Variants in ZBTB7C observed in about 807,000 individuals in gnomAD.
The protein encoded by ZBTB7C is zinc finger and BTB domain containing 7C, also known as zinc finger and BTB domain-containing protein 7C.
A neutral mutation model predicts 25.7 loss-of-function variants in ZBTB7C; 8 were observed. The ratio of observed to expected loss-of-function variants is 0.31; its 90% CI spans 0.18 to 0.56. The LOEUF is 0.56. Among genes scored for constraint, ZBTB7C ranks in the 20% least tolerant of loss-of-function variants. ZBTB7C has a pLI of 0.91. For missense variants in ZBTB7C, 824 were observed against 855.2 expected (o/e 0.96, Z 0.46); for synonymous variants, 394 against 369.0 (o/e 1.07, Z -0.78).
chr18:48,319,968 T>C (rs1022816820), intron 2 of ZBTB7C, among the ~76,000 whole-genome samples: 3 of 151,230 alleles, frequency 2.0e-5, no homozygotes, highest in Admixed American at 2.0e-4. Flanking sequence ...GTGAATAGAA[T>C]AGAAAAAAAT....
At chr18:48,330,395 A>G (rs2046316770) in intron 2 of ZBTB7C, among the ~76,000 whole-genome samples, 1 of 152,188 alleles carries the variant, frequency 6.6e-6, no homozygotes, top group African/African-American at 2.4e-5. Context: ...AACTCCATGC[A>G]CACTCAGTGA....
At chr18:48,185,625 A>C (rs2042035801) in intron 3 of ZBTB7C, among the ~76,000 whole-genome samples, 1 of 152,206 alleles carries the variant, frequency 6.6e-6, no homozygotes, top group Non-Finnish European at 1.5e-5. Flanking sequence ...AGTAAAAAAA[A>C]AATGCACATC....
In ZBTB7C at chr18:48,403,919, C is replaced by T. The variant is rs145897498; in HGVS notation, c.-304+5307G>A. The stretch of plus-strand genomic sequence containing the variant: ...ATGTTAAATTATACGGGAAGCATTG[C>T]CAAACAAAAAATAATGTGAAGCCTC... On this transcript the variant is annotated intron_variant, in intron 1 of 4. Coordinates refer to ENST00000590800, the MANE Select transcript of ZBTB7C (RefSeq NM_001318841.2). Among the ~76,000 whole-genome samples the T allele has an allele frequency of 5.3e-3, 804 of 151,908 alleles. 3 individuals are homozygous for T. Among genetic ancestry groups the T allele is most frequent in the African/African-American group, 0.018 (758 of 41,452 alleles).
In ZBTB7C at chr18:48,097,688, C is replaced by T. The variant is rs747847736; in HGVS notation, c.-16-56565G>A. Among the ~76,000 whole-genome samples the T allele has an allele frequency of 1.1e-4, 16 of 152,306 alleles. No individual in the cohort carries two copies. In the Middle Eastern group the frequency reaches 0.01, roughly 97 times the overall value. On this transcript the variant is annotated intron_variant, in intron 3 of 4. Coordinates refer to ENST00000590800, the MANE Select transcript of ZBTB7C (RefSeq NM_001318841.2). ...CTGGGATTACAGGCGCGAGCTACGG[C>T]GCCCAGCGTGGATAGACAACCACTG...
intron 3 of ZBTB7C, among the ~76,000 whole-genome samples, chr18:48,050,573 C>G (rs1489264483): frequency 6.6e-6 from 1 of 152,212 alleles, no homozygotes; most frequent in Non-Finnish European, 1.5e-5. Context: ...CAATGGCCAT[C>G]CAGGTGTTCC....
chr18:48,395,705 T>C (rs565411485), intron 1 of ZBTB7C, among the ~76,000 whole-genome samples: 1 of 152,198 alleles, frequency 6.6e-6, no homozygotes, highest in East Asian at 1.9e-4. Flanking sequence ...CAAAAATGTG[T>C]CCTTTTGTGG....
At chr18:48,390,083 G>A (rs760943230) in intron 1 of ZBTB7C, among the ~76,000 whole-genome samples, 2 of 152,198 alleles carry the variant, frequency 1.3e-5, no homozygotes, top group African/African-American at 4.8e-5. Context: ...AGGAGCATCT[G>A]CTGGCTTGTC....
intron 4 of ZBTB7C, among the ~76,000 whole-genome samples, chr18:48,031,836 G>T (rs73445992): frequency 6.6e-6 from 1 of 152,170 alleles, no homozygotes; most frequent in East Asian, 1.9e-4. Context: ...TGGCAGGCCC[G>T]GGAGTCAAGG....
At chr18:48,399,030 T>C (rs1249014178) in intron 1 of ZBTB7C, among the ~76,000 whole-genome samples, 1 of 152,190 alleles carries the variant, frequency 6.6e-6, no homozygotes, top group Non-Finnish European at 1.5e-5. Flanking sequence ...ACAACTGAAA[T>C]ATCCATGTAG....
At chr18:48,097,076 T>C (rs1363340082) in intron 3 of ZBTB7C, among the ~76,000 whole-genome samples, 2 of 152,222 alleles carry the variant, frequency 1.3e-5, no homozygotes, top group Non-Finnish European at 2.9e-5. Flanking sequence ...GATCTTCTTT[T>C]CCTGAAAACT....
At chr18:48,134,503 A>C (rs1377830636) in intron 3 of ZBTB7C, among the ~76,000 whole-genome samples, 1 of 152,220 alleles carries the variant, frequency 6.6e-6, no homozygotes, top group African/African-American at 2.4e-5. Context: ...CCGGAAGGCC[A>C]AAGTGAGCTG....
intron 2 of ZBTB7C, among the ~76,000 whole-genome samples, chr18:48,318,202 A>T (rs1169747677): frequency 6.8e-6 from 1 of 147,272 alleles, no homozygotes; most frequent in Non-Finnish European, 1.5e-5. Context: ...CCTTGCAAAA[A>T]ACAAAACAAA....
At chr18:48,106,285 A>G (rs2039023666) in intron 3 of ZBTB7C, among the ~76,000 whole-genome samples, 1 of 151,994 alleles carries the variant, frequency 6.6e-6, no homozygotes, top group Non-Finnish European at 1.5e-5. Context: ...CTTCAGCCCC[A>G]GTAGTATAGA....
At chr18:48,398,644 C>T (rs1599041336) in intron 1 of ZBTB7C, among the ~76,000 whole-genome samples, 1 of 152,160 alleles carries the variant, frequency 6.6e-6, no homozygotes, top group African/African-American at 2.4e-5. Flanking sequence ...CTTCTCCCAT[C>T]AAAGTCACTG....
intron 4 of ZBTB7C, 110 bp downstream of exon 4, chr18:48,039,790 G>T: frequency 8.6e-7 from 1 of 1,158,246 alleles, no homozygotes; most frequent in South Asian, 1.3e-5. Context: ...GCCTGCATGT[G>T]TGTGGGATCT....
rs1272355191 is a variant in ZBTB7C, at chr18:48,028,329, G to GA, written c.*930dup. ...CCAGACATGAACAGCGGCCTGCAGG[G>GA]AAGGTAGGGTAGCATTCTGAGTTCG... is the stretch of plus-strand genomic sequence containing the variant. On this transcript the variant is annotated 3_prime_UTR_variant, in exon 5 of 5. Coordinates refer to ENST00000590800, the MANE Select transcript of ZBTB7C (RefSeq NM_001318841.2). 1.3e-5 allele frequency: 2 copies of GA among 152,208 alleles called. No individual in the cohort carries two copies. The highest frequency in any genetic ancestry group is 2.9e-5 in the Non-Finnish European group (2 of 68,090). The allele number at this position is 152,208 out of a possible 1,614,324, so 9.4% of individuals were successfully genotyped here.
chr18:48,261,250 T>G (rs1287544150), intron 2 of ZBTB7C, among the ~76,000 whole-genome samples: 2 of 152,188 alleles, frequency 1.3e-5, no homozygotes, highest in African/African-American at 2.4e-5. Context: ...GTCAGCATTA[T>G]TATACCCTGC....
intron 2 of ZBTB7C, among the ~76,000 whole-genome samples, chr18:48,196,483 G>A (rs546384304): frequency 6.6e-6 from 1 of 152,258 alleles, no homozygotes; most frequent in East Asian, 1.9e-4. Context: ...AGGTTGCTTG[G>A]GGAAGGATTT....
chr18:48,194,666 C>G (rs1171640724), intron 2 of ZBTB7C, among the ~76,000 whole-genome samples: 1 of 152,136 alleles, frequency 6.6e-6, no homozygotes, highest in East Asian at 1.9e-4. Flanking sequence ...GGCCCAGCAT[C>G]ACCAGGGCAG....
Sources: gnomAD v4.1 joint callset for allele counts (sites outside exome capture counted in the v4.1 genomes callset) on GRCh38, gnomAD v4.1.1 for gene constraint, MANE v1.5 for transcripts, NCBI Gene and HGNC (gene_info 2026-07-23, HGNC 2026-07-21) for gene names.